The following ASIC2 variants were observed in gnomAD, a reference collection of about 807,000 sequenced individuals.
ASIC2 encodes the protein acid sensing ion channel subunit 2, also known as acid-sensing ion channel 2.
Under a neutral mutation model 57.3 loss-of-function variants are expected in ASIC2, and 25 were observed. The ratio of observed to expected loss-of-function variants is 0.44; its 90% confidence interval spans 0.32 to 0.61. The LOEUF (loss-of-function observed/expected upper bound fraction) is 0.61, where lower values mean the gene tolerates loss of function less well. Ranked by LOEUF, ASIC2 falls within the 20% of genes least tolerant of loss-of-function variation. ASIC2 has a pLI of 0.06. For missense variants in ASIC2, 641 were observed against 738.1 expected, an observed-to-expected ratio of 0.87 and a Z score of 1.52; for synonymous variants, 319 against 307.5, an observed-to-expected ratio of 1.04 and a Z score of -0.39.
chr17:33,284,467 T>C (rs1288547494), intron 1 of ASIC2, among the ~76,000 whole-genome samples: 1 of 152,222 alleles, frequency 6.6e-6, no homozygotes, highest in Non-Finnish European at 1.5e-5. Flanking sequence ...AATTCATTAC[T>C]GATCTTGTCC....
chr17:33,533,707 T>C (rs944785374), intron 1 of ASIC2: 1 of 152,178 alleles, frequency 6.6e-6, no homozygotes, highest in African/African-American at 2.4e-5. Flanking sequence ...TTCAGGGAGA[T>C]AGACAGAAAT....
intron 2 of ASIC2, among the ~76,000 whole-genome samples, chr17:33,089,591 G>A (rs550539476): frequency 3.3e-5 from 5 of 152,200 alleles, no homozygotes; most frequent in African/African-American, 1.2e-4. Flanking sequence ...AGTTTGCCAG[G>A]TCAACTCCTT....
chr17:33,228,217 T>C (rs1032120027), intron 1 of ASIC2, among the ~76,000 whole-genome samples: 4 of 152,182 alleles, frequency 2.6e-5, no homozygotes, highest in Non-Finnish European at 1.5e-5. Flanking sequence ...AGTCTCCTTT[T>C]GGGATGATAA....
At chr17:33,047,888 T>C (rs2091961530) in intron 3 of ASIC2, among the ~76,000 whole-genome samples, 1 of 152,220 alleles carries the variant, frequency 6.6e-6, no homozygotes, top group South Asian at 2.1e-4. Context: ...AAGATAAATA[T>C]ACCATCTACC....
chr17:34,039,976 G>A, intron 1 of ASIC2: 2 of 968,290 alleles, frequency 2.1e-6, no homozygotes, highest in South Asian at 1.5e-5. Flanking sequence ...CAGGCCCGGG[G>A]CGGAGCCGGG....
chr17:33,426,428 G>A (rs1911223210), intron 1 of ASIC2, among the ~76,000 whole-genome samples: 1 of 152,200 alleles, frequency 6.6e-6, no homozygotes, highest in South Asian at 2.1e-4. Flanking sequence ...CCTTTCTGGG[G>A]CTGAGGCAAA....
At chr17:33,400,999 A>G (rs1910265506) in intron 1 of ASIC2, among the ~76,000 whole-genome samples, 1 of 152,192 alleles carries the variant, frequency 6.6e-6, no homozygotes, top group Admixed American at 6.5e-5. Flanking sequence ...AAAGCAGGTC[A>G]CTGGAGAGAT....
intron 1 of ASIC2, among the ~76,000 whole-genome samples, chr17:33,546,197 G>GTA (rs1915573657): frequency 1.3e-5 from 2 of 150,480 alleles, no homozygotes; most frequent in Middle Eastern, 3.5e-3. Flanking sequence ...ATATGTATAT[G>GTA]TATATATATG....
chr17:33,613,568 C>T (rs937799879), intron 1 of ASIC2, among the ~76,000 whole-genome samples: 3 of 151,944 alleles, frequency 2.0e-5, no homozygotes, highest in South Asian at 2.1e-4. Flanking sequence ...GGGTTTTCAC[C>T]GTGTTAGCCA....
intron 1 of ASIC2, among the ~76,000 whole-genome samples, chr17:33,622,546 G>C (rs1392443297): frequency 3.3e-5 from 5 of 152,128 alleles, no homozygotes; most frequent in Admixed American, 6.5e-5. Context: ...GGGTTTTGCT[G>C]TCAGACAGTC....
At chr17:33,983,831 A>G (rs1056990552) in intron 1 of ASIC2, among the ~76,000 whole-genome samples, 3 of 152,104 alleles carry the variant, frequency 2.0e-5, no homozygotes, top group Admixed American at 1.3e-4. Context: ...CTGGCATCCA[A>G]TGGGTAGAGG....
At chr17:34,098,713 G>A (rs1027465733) in intron 1 of ASIC2, among the ~76,000 whole-genome samples, 3 of 152,002 alleles carry the variant, frequency 2.0e-5, no homozygotes. Flanking sequence ...AGCATCATTA[G>A]GGTGAGACTG....
chr17:34,005,167 C>A (rs1354876019), intron 1 of ASIC2: 1 of 151,264 alleles, frequency 6.6e-6, no homozygotes, highest in African/African-American at 2.5e-5. Context: ...CTTTACCTAA[C>A]CTCCATCTAG....
intron 4 of ASIC2, among the ~76,000 whole-genome samples, chr17:33,027,756 T>C (rs543699119): frequency 1.3e-5 from 2 of 152,390 alleles, no homozygotes; most frequent in South Asian, 2.1e-4. Flanking sequence ...CTGTGTGAGA[T>C]GGCCACATGC....
intron 1 of ASIC2, among the ~76,000 whole-genome samples, chr17:33,513,163 T>C (rs562041531): frequency 2.0e-5 from 3 of 152,360 alleles, no homozygotes; most frequent in Non-Finnish European, 2.9e-5. Flanking sequence ...GAGAAACTAA[T>C]AAGAGTAAGA....
chr17:33,833,427 T>C (rs1420991964), intron 1 of ASIC2, among the ~76,000 whole-genome samples: 1 of 152,198 alleles, frequency 6.6e-6, no homozygotes, highest in Non-Finnish European at 1.5e-5. Flanking sequence ...ATAGGCTATC[T>C]GCATTCCTTT....
chr17:33,389,269 C>T (rs1375800230), intron 1 of ASIC2, among the ~76,000 whole-genome samples: 1 of 152,184 alleles, frequency 6.6e-6, no homozygotes, highest in Admixed American at 6.5e-5. Flanking sequence ...CTCTCTCCCA[C>T]TCTTAACTGC....
At position 33,833,768 on chromosome 17, in the gene ASIC2, T is replaced by G. The variant is rs111813940; in HGVS notation, c.555+322210A>C. Among the ~76,000 whole-genome samples, 1,150 of 152,270 alleles carry G rather than the reference T, an allele frequency of 7.6e-3. 10 individuals are homozygous for G. The highest frequency in any genetic ancestry group is 0.051 in the Middle Eastern group (15 of 294). On this transcript the variant is annotated intron_variant, in intron 1 of 9. Coordinates refer to the ASIC2 transcript ENST00000359872. Reference sequence around the variant, plus strand: ...GACTTATTGCTGGTTTAAAATAATCTATTGCAGCTGGGCACACTGTCTATG... The same window carrying G: ...GACTTATTGCTGGTTTAAAATAATCGATTGCAGCTGGGCACACTGTCTATG...
chr17:33,516,872 C>A (rs1304860679), intron 1 of ASIC2, among the ~76,000 whole-genome samples: 1 of 152,110 alleles, frequency 6.6e-6, no homozygotes, highest in Non-Finnish European at 1.5e-5. Flanking sequence ...TCCTGTCTGT[C>A]TTTTTCAATA....
Sources: allele counts gnomAD v4.1 joint callset (sites outside exome capture counted in the v4.1 genomes callset), GRCh38; gene constraint gnomAD v4.1.1; transcripts MANE v1.5; gene names NCBI Gene and HGNC (gene_info 2026-07-23, HGNC 2026-07-21).